The following FLI1 variants were observed in gnomAD, a reference collection of about 807,000 sequenced individuals.
The protein encoded by FLI1 is Fli-1 proto-oncogene, ETS transcription factor.
FLI1 carries 13 observed loss-of-function variants against 53.1 expected under a neutral mutation model. The ratio of observed to expected loss-of-function variants is 0.24; its 90% CI spans 0.16 to 0.39. The LOEUF is 0.39. Among genes scored for constraint, FLI1 ranks in the 10% least tolerant of loss-of-function variants. The pLI, the probability that FLI1 is intolerant of heterozygous loss-of-function variation, is 1.00. For synonymous variants in FLI1, 244 were observed against 236.7 expected, an observed-to-expected ratio of 1.03 and a Z score of -0.28; for missense variants, 424 against 600.5, an observed-to-expected ratio of 0.71 and a Z score of 3.07.
At chr11:128,800,077 G>A (rs1280146609) in intron 5 of FLI1, among the ~76,000 whole-genome samples, 7 of 152,128 alleles carry the variant, frequency 4.6e-5, no homozygotes, top group African/African-American at 1.7e-4. Context: ...TGAGGGCTTT[G>A]GGTCTCAGGT....
intron 1 of FLI1, among the ~76,000 whole-genome samples, chr11:128,730,091 G>A (rs995496513): frequency 3.3e-5 from 5 of 152,180 alleles, no homozygotes; most frequent in Non-Finnish European, 4.4e-5. Flanking sequence ...CAGAAAAGTC[G>A]AAAATCTTGA....
intron 1 of FLI1, among the ~76,000 whole-genome samples, chr11:128,730,955 G>A (rs762320916): frequency 2.6e-5 from 4 of 152,212 alleles, no homozygotes; most frequent in Non-Finnish European, 5.9e-5. Context: ...AAACCAAAAG[G>A]TGTAACATCC....
chr11:128,698,142 G>T (rs1938167458), intron 1 of FLI1, among the ~76,000 whole-genome samples: 1 of 152,246 alleles, frequency 6.6e-6, no homozygotes, highest in East Asian at 1.9e-4. Context: ...AGGGCAGGTT[G>T]TCACTGGCAG....
In FLI1 at chr11:128,706,496, TCCC is replaced by T. The variant is rs1938551065; in HGVS notation, c.18+12222_18+12224del. ...ACATTGCCAACTTAGGATAGCCCCC[TCCC>T]CAGTAGTCTCAAAAAGAAAGAGGCC... On this transcript the variant is annotated intron_variant, in intron 1 of 8. Transcript: ENST00000527786. Among the ~76,000 whole-genome samples the T allele has an allele frequency of 1.1e-4, 17 of 152,082 alleles. No homozygotes were observed. In the South Asian group the frequency reaches 3.3e-3, roughly 30 times the overall value.
At chr11:128,804,764 G>A (rs904598503) in intron 5 of FLI1, 1 of 152,278 alleles carries the variant, frequency 6.6e-6, no homozygotes, top group African/African-American at 2.4e-5. Flanking sequence ...CATCATCCAT[G>A]TGCTGAAATC....
chr11:128,794,481 G>A (rs750348838), intron 5 of FLI1, among the ~76,000 whole-genome samples: 9 of 152,054 alleles, frequency 5.9e-5, no homozygotes, highest in Admixed American at 6.6e-5. Flanking sequence ...AGAGAGAGAC[G>A]GAGAAGCTTC....
chr11:128,753,737 C>T (rs1171733789), intron 1 of FLI1, among the ~76,000 whole-genome samples: 1 of 152,246 alleles, frequency 6.6e-6, no homozygotes, highest in Non-Finnish European at 1.5e-5. Flanking sequence ...AGCTCAGCAG[C>T]TCCTCGCCTG....
At chr11:128,723,745 T>C (rs538047420) in intron 1 of FLI1, among the ~76,000 whole-genome samples, 106 of 152,272 alleles carry the variant, frequency 7.0e-4, no homozygotes, top group South Asian at 2.9e-3. Flanking sequence ...ACATGGTCCC[T>C]GTCTTTGATG....
intron 5 of FLI1, among the ~76,000 whole-genome samples, chr11:128,799,280 C>T (rs1343467505): frequency 6.6e-6 from 1 of 151,928 alleles, no homozygotes; most frequent in Non-Finnish European, 1.5e-5. Flanking sequence ...GTCCTTCATC[C>T]TTTATAGCCC....
At chr11:128,694,303 C>G (rs773821278) in intron 1 of FLI1, 27 bp downstream of exon 1, 34 of 1,334,364 alleles carry the variant, frequency 2.5e-5, no homozygotes, top group African/African-American at 3.0e-5. Flanking sequence ...CGGACGCGGG[C>G]GGCGGGGACC....
intron 1 of FLI1, among the ~76,000 whole-genome samples, chr11:128,719,115 C>T (rs1014068839): frequency 1.1e-4 from 17 of 152,096 alleles, no homozygotes; most frequent in African/African-American, 4.1e-4. Context: ...GGACTCACTA[C>T]ACCCACAGTG....
chr11:128,739,562 C>G (rs990825616), intron 1 of FLI1, among the ~76,000 whole-genome samples: 2 of 152,120 alleles, frequency 1.3e-5, no homozygotes, highest in African/African-American at 4.8e-5. Context: ...CTCTCCATTC[C>G]CAAGGATTGT....
Position 128,763,703 on chromosome 11 carries a change from C to T in FLI1, c.231-4415C>T, listed in dbSNP as rs3888811. Among the ~76,000 whole-genome samples the T allele has an allele frequency of 4.9e-3, 748 of 152,314 alleles. 13 individuals are homozygous for T. Among genetic ancestry groups the T allele is most frequent in the East Asian group, 0.027 (142 of 5,184 alleles). On this transcript the variant is annotated intron_variant, in intron 2 of 8. Transcript: ENST00000527786. ...TGGCTGCGAGGCCCCTTTCTAAACT[C>T]TTGTGTTCTCAACCTTGCAGTATGA...
chr11:128,782,509 A>G (rs2135865501), intron 5 of FLI1, among the ~76,000 whole-genome samples: 1 of 152,332 alleles, frequency 6.6e-6, no homozygotes, highest in African/African-American at 2.4e-5. Flanking sequence ...CAGCCTGGCC[A>G]GCATGGCAAA....
intron 1 of FLI1, among the ~76,000 whole-genome samples, chr11:128,743,287 A>G (rs1204576411): frequency 4.6e-5 from 7 of 151,962 alleles, no homozygotes; most frequent in Non-Finnish European, 7.4e-5. Context: ...AGTCTCAGCT[A>G]CTTGGTACTT....
At chr11:128,737,690 C>T (rs1591766701) in intron 1 of FLI1, among the ~76,000 whole-genome samples, 1 of 152,310 alleles carries the variant, frequency 6.6e-6, no homozygotes, top group East Asian at 1.9e-4. Flanking sequence ...CCATCCAGGG[C>T]TTATTGAGGT....
intron 5 of FLI1, among the ~76,000 whole-genome samples, chr11:128,797,748 A>C (rs1002834661): frequency 3.9e-5 from 6 of 152,212 alleles, no homozygotes; most frequent in African/African-American, 1.4e-4. Context: ...AAATCCAATA[A>C]GTTGGTGATG....
intron 1 of FLI1, among the ~76,000 whole-genome samples, chr11:128,755,764 G>A (rs373356232): frequency 6.6e-5 from 10 of 152,342 alleles, no homozygotes; most frequent in African/African-American, 2.4e-4. Context: ...GATCCCCTCG[G>A]TTGGGGGATG....
intron 2 of FLI1, among the ~76,000 whole-genome samples, chr11:128,766,260 G>A (rs1369389565): frequency 6.6e-6 from 1 of 152,158 alleles, no homozygotes; most frequent in Admixed American, 6.5e-5. Context: ...AGGGCCAAAC[G>A]CTGGTGAAAA....
Sources: allele counts gnomAD v4.1 joint callset (sites outside exome capture counted in the v4.1 genomes callset), GRCh38; gene constraint gnomAD v4.1.1; transcripts MANE v1.5; gene names NCBI Gene and HGNC (gene_info 2026-07-23, HGNC 2026-07-21).